MOB3B: variants seen among roughly 807,000 people sequenced by gnomAD.
The protein encoded by MOB3B is MOB kinase activator 3B.
MOB3B carries 7 observed loss-of-function variants against 18.7 expected under a neutral mutation model. The ratio of observed to expected loss-of-function variants is 0.37; its 90% confidence interval spans 0.21 to 0.70. The LOEUF (loss-of-function observed/expected upper bound fraction) is 0.70. Ranked by LOEUF, MOB3B falls within the 30% of genes least tolerant of loss-of-function variation. MOB3B has a pLI of 0.52. For synonymous variants in MOB3B, 111 were observed against 99.9 expected (o/e 1.11, Z -0.66); for missense variants, 253 against 281.3 (o/e 0.90, Z 0.72).
chr9:27,527,801 C>T (rs774857596), intron 1 of MOB3B, among the ~76,000 whole-genome samples: 7 of 152,220 alleles, frequency 4.6e-5, no homozygotes, highest in Non-Finnish European at 8.8e-5. Flanking sequence ...ACTCGCTGGG[C>T]ACCATCTGGG....
chr9:27,468,815 A>G (rs1400814581), intron 1 of MOB3B, among the ~76,000 whole-genome samples: 1 of 152,184 alleles, frequency 6.6e-6, no homozygotes, highest in Non-Finnish European at 1.5e-5. Flanking sequence ...ATAATGAGAC[A>G]ATGGACAAAA....
At chr9:27,336,468 C>T (rs1241739056) in intron 3 of MOB3B, among the ~76,000 whole-genome samples, 3 of 152,038 alleles carry the variant, frequency 2.0e-5, no homozygotes, top group African/African-American at 7.2e-5. Flanking sequence ...GGAAGAAAAG[C>T]AGTATGAAGA....
At chr9:27,369,810 C>G (rs1262193098) in intron 2 of MOB3B, among the ~76,000 whole-genome samples, 2 of 152,182 alleles carry the variant, frequency 1.3e-5, no homozygotes, top group African/African-American at 2.4e-5. Flanking sequence ...GTTATTCAAA[C>G]CTTAACTAAT....
Position 27,370,218 on chromosome 9 carries a change from G to A in MOB3B, c.419-10982C>T, listed in dbSNP as rs142530507. ...GAATGGGATTAGTGCCTTTAAAAAG[G>A]AGGGTCCTGGCTGGGCGCGGTCGCT... On this transcript the variant is annotated intron_variant, in intron 2 of 3. Coordinates refer to ENST00000262244, the MANE Select transcript of MOB3B (RefSeq NM_024761.5). Among the ~76,000 whole-genome samples, 6 of 152,230 alleles carry A rather than the reference G, an allele frequency of 3.9e-5. No homozygotes were observed. In the East Asian group the frequency reaches 1.2e-3, roughly 29 times the overall value.
chr9:27,464,888 C>T (rs1415335629), intron 1 of MOB3B, among the ~76,000 whole-genome samples: 2 of 152,130 alleles, frequency 1.3e-5, no homozygotes, highest in African/African-American at 2.4e-5. Flanking sequence ...AGACTGGCCC[C>T]CATGATTCAA....
intron 3 of MOB3B, among the ~76,000 whole-genome samples, chr9:27,344,415 C>T (rs1029591850): frequency 6.6e-6 from 1 of 152,172 alleles, no homozygotes; most frequent in Non-Finnish European, 1.5e-5. Flanking sequence ...TGCCAAGTAC[C>T]GTTGCACTAG....
At chr9:27,517,926 C>A (rs181292837) in intron 1 of MOB3B, among the ~76,000 whole-genome samples, 2 of 152,074 alleles carry the variant, frequency 1.3e-5, no homozygotes, top group African/African-American at 2.4e-5. Context: ...AGGCTACCTG[C>A]GGGGAGGGAT....
intron 3 of MOB3B, among the ~76,000 whole-genome samples, chr9:27,340,058 A>G (rs1032999784): frequency 5.3e-5 from 8 of 152,272 alleles, no homozygotes; most frequent in African/African-American, 1.9e-4. Flanking sequence ...TGGGTGGCAA[A>G]TAAGCCAAAC....
chr9:27,497,575 G>T (rs980588326), intron 1 of MOB3B, among the ~76,000 whole-genome samples: 4 of 151,650 alleles, frequency 2.6e-5, no homozygotes, highest in African/African-American at 9.7e-5. Context: ...TCTAGTTTCA[G>T]GTGATTTTAA....
At chr9:27,412,221 A>G (rs1822080030) in intron 2 of MOB3B, among the ~76,000 whole-genome samples, 1 of 151,722 alleles carries the variant, frequency 6.6e-6, no homozygotes, top group Admixed American at 6.6e-5. Flanking sequence ...AATCAAGGAG[A>G]GGCAGCCATA....
intron 1 of MOB3B, among the ~76,000 whole-genome samples, chr9:27,511,225 A>AC (rs57078759): frequency 0.031 from 4,771 of 151,490 alleles, 106 homozygotes; most frequent in Middle Eastern, 0.065. Context: ...ACAAAAAAAA[A>AC]AAGAAAGAAA....
At chr9:27,383,890 G>T (rs1821614388) in intron 2 of MOB3B, among the ~76,000 whole-genome samples, 1 of 152,058 alleles carries the variant, frequency 6.6e-6, no homozygotes, top group East Asian at 1.9e-4. Context: ...CCCAAAGTTT[G>T]CTCTGGATAT....
intron 2 of MOB3B, among the ~76,000 whole-genome samples, chr9:27,450,187 A>T (rs1035887528): frequency 6.6e-6 from 1 of 152,130 alleles, no homozygotes; most frequent in Non-Finnish European, 1.5e-5. Context: ...TCCACAATGC[A>T]CTTGACCACT....
At chr9:27,390,372 T>C (rs1821710516) in intron 2 of MOB3B, among the ~76,000 whole-genome samples, 2 of 152,212 alleles carry the variant, frequency 1.3e-5, no homozygotes, top group South Asian at 4.1e-4. Flanking sequence ...TGGCTAATTT[T>C]TGTATTTTTA....
chr9:27,330,090 T>C lies in MOB3B; in HGVS notation c.*497A>G, dbSNP rs1820764615. 1 of 157,426 alleles carries C rather than the reference T, an allele frequency of 6.4e-6. No homozygotes were observed. Among genetic ancestry groups the C allele is most frequent in the South Asian group, 2.0e-4 (1 of 5,104 alleles). 9.8% of individuals were successfully genotyped at this position (157,426 alleles called of 1,614,324 possible). A position where few individuals can be genotyped will look rare whatever the true frequency, so the allele number is the denominator to read the frequency against. On this transcript the variant is annotated 3_prime_UTR_variant, in exon 4 of 4. Transcript: ENST00000262244. The stretch of plus-strand genomic sequence containing the variant: ...AACCACAGATCAGAGCAGGAGCTTT[T>C]AGAGACCTGAAAGGAAGGCTTATTG...
intron 2 of MOB3B, among the ~76,000 whole-genome samples, chr9:27,410,978 C>G (rs947445937): frequency 6.6e-6 from 1 of 152,100 alleles, no homozygotes; most frequent in Admixed American, 6.5e-5. Flanking sequence ...AAAATTGTAT[C>G]TGTGGATATG....
At chr9:27,484,689 C>T (rs887917122) in intron 1 of MOB3B, among the ~76,000 whole-genome samples, 1 of 152,134 alleles carries the variant, frequency 6.6e-6, no homozygotes, top group Non-Finnish European at 1.5e-5. Context: ...TGTCTGCCCA[C>T]CTCCTGAGCC....
At chr9:27,420,706 G>A (rs543485471) in intron 2 of MOB3B, among the ~76,000 whole-genome samples, 3 of 150,504 alleles carry the variant, frequency 2.0e-5, no homozygotes, top group East Asian at 4.0e-4. Context: ...GAAAACCAAA[G>A]GTCATATGGT....
At chr9:27,498,970 A>G (rs1563883763) in intron 1 of MOB3B, among the ~76,000 whole-genome samples, 1 of 152,226 alleles carries the variant, frequency 6.6e-6, no homozygotes, top group African/African-American at 2.4e-5. Context: ...TCTTAACACA[A>G]GATTTTTTAA....
Sources: gnomAD v4.1 joint callset for allele counts (sites outside exome capture counted in the v4.1 genomes callset) on GRCh38, gnomAD v4.1.1 for gene constraint, MANE v1.5 for transcripts, NCBI Gene and HGNC (gene_info 2026-07-23, HGNC 2026-07-21) for gene names.